Variants in FOXP1 observed in about 807,000 individuals in gnomAD.
FOXP1 encodes forkhead box P1.
A neutral mutation model predicts 98.2 loss-of-function variants in FOXP1; 15 were observed. The observed-to-expected ratio is 0.15, with a 90% confidence interval of 0.10 to 0.24. FOXP1 has a LOEUF of 0.24. Among genes scored for constraint, FOXP1 ranks in the 10% least tolerant of loss-of-function variants. FOXP1 has a pLI of 1.00. For missense variants in FOXP1, 633 were observed against 848.5 expected (o/e 0.75, Z 3.15); for synonymous variants, 371 against 314.5 (o/e 1.18, Z -1.90).
chr3:71,142,962 A>AAGGGCAGGGC (rs534818407), intron 6 of FOXP1, among the ~76,000 whole-genome samples: 58 of 151,890 alleles, frequency 3.8e-4, no homozygotes, highest in African/African-American at 1.0e-3. Flanking sequence ...GCAGGAAAGA[A>AAGGGCAGGGC]AGGGCAGGGC....
At chr3:71,437,070 C>T (rs929782919) in intron 3 of FOXP1, among the ~76,000 whole-genome samples, 4 of 152,154 alleles carry the variant, frequency 2.6e-5, no homozygotes, top group African/African-American at 4.8e-5. Context: ...CTGGCATTAA[C>T]GTTTCTCAGT....
At chr3:71,387,755 C>T (rs141349643) in intron 3 of FOXP1, among the ~76,000 whole-genome samples, 1 of 152,164 alleles carries the variant, frequency 6.6e-6, no homozygotes, top group Non-Finnish European at 1.5e-5. Context: ...TATTAAGGAC[C>T]CATGTGTTCA....
At chr3:71,532,791 T>G (rs1011690999) in intron 2 of FOXP1, among the ~76,000 whole-genome samples, 1 of 152,172 alleles carries the variant, frequency 6.6e-6, no homozygotes, top group Non-Finnish European at 1.5e-5. Context: ...GAACAGAAAG[T>G]GCCGTAAGCA....
chr3:71,037,470 C>A (rs2047742842), intron 11 of FOXP1, among the ~76,000 whole-genome samples: 1 of 152,044 alleles, frequency 6.6e-6, no homozygotes, highest in South Asian at 2.1e-4. Context: ...TACCGGTATC[C>A]CAGGCCTGAG....
chr3:71,407,414 A>C (rs1478409948), intron 3 of FOXP1, among the ~76,000 whole-genome samples: 1 of 152,216 alleles, frequency 6.6e-6, no homozygotes, highest in Non-Finnish European at 1.5e-5. Flanking sequence ...GTTTTTCTAA[A>C]ATTAAACACA....
At chr3:71,396,539 T>A (rs1172948169) in intron 3 of FOXP1, among the ~76,000 whole-genome samples, 1 of 151,918 alleles carries the variant, frequency 6.6e-6, no homozygotes, top group East Asian at 1.9e-4. Flanking sequence ...GGAACAAGCT[T>A]CCTACCAAGC....
chr3:71,274,912 G>A (rs2070741968), intron 5 of FOXP1, among the ~76,000 whole-genome samples: 1 of 152,132 alleles, frequency 6.6e-6, no homozygotes, highest in South Asian at 2.1e-4. Context: ...GTAACACTTT[G>A]CTCTTTGCCA....
intron 5 of FOXP1, among the ~76,000 whole-genome samples, chr3:71,287,275 C>T (rs2072251497): frequency 6.6e-6 from 1 of 152,090 alleles, no homozygotes; most frequent in South Asian, 2.1e-4. Context: ...AGTTTAAGAC[C>T]AGCCTGGGGA....
intron 4 of FOXP1, among the ~76,000 whole-genome samples, chr3:71,341,968 C>T (rs990876750): frequency 3.9e-5 from 6 of 152,320 alleles, no homozygotes; most frequent in South Asian, 2.1e-4. Context: ...AAACTGAGAT[C>T]ACATAACAAG....
intron 9 of FOXP1, among the ~76,000 whole-genome samples, chr3:71,052,042 A>C (rs2049968487): frequency 6.6e-6 from 1 of 152,246 alleles, no homozygotes; most frequent in Non-Finnish European, 1.5e-5. Context: ...ACTTGCAGGA[A>C]GAAGTTAAAC....
chr3:71,581,863 C>T lies in FOXP1; in HGVS notation c.-446-166G>A, dbSNP rs547007845. 3 of 985,554 alleles carry T rather than the reference C, an allele frequency of 3.0e-6. No individual in the cohort carries two copies. The East Asian group carries it at 3.4e-4, about 112-fold the overall frequency. 61.1% of individuals were successfully genotyped at this position (985,554 alleles called of 1,614,324 possible). ...CGTGGAGGGAAGAGAGGATGCGGCT[C>T]AGGGAATCCCTGCAAGGATCCAGAG... On this transcript the variant is annotated intron_variant, in intron 1 of 20. Transcript: ENST00000649528.
intron 3 of FOXP1, among the ~76,000 whole-genome samples, chr3:71,434,798 T>C (rs955779272): frequency 6.6e-6 from 1 of 152,044 alleles, no homozygotes; most frequent in Non-Finnish European, 1.5e-5. Flanking sequence ...CAGTTATTAA[T>C]TCTGGGTAGT....
intron 6 of FOXP1, among the ~76,000 whole-genome samples, chr3:71,189,315 A>C (rs2062831694): frequency 6.6e-6 from 1 of 152,236 alleles, no homozygotes; most frequent in Admixed American, 6.5e-5. Context: ...CCATTCCATG[A>C]TCAATGGGAA....
At chr3:71,083,586 C>T (rs1378282643) in intron 7 of FOXP1, among the ~76,000 whole-genome samples, 2 of 152,206 alleles carry the variant, frequency 1.3e-5, no homozygotes, top group African/African-American at 2.4e-5. Flanking sequence ...AAGAGATACT[C>T]TCTTTCTGAG....
chr3:71,269,925 A>T (rs1653982), intron 5 of FOXP1, among the ~76,000 whole-genome samples: 106,800 of 152,036 alleles, frequency 0.7, 38,178 homozygotes, highest in East Asian at 0.95. Flanking sequence ...TTAGAAACCA[A>T]TAAGTTAGAG....
At chr3:71,569,296 CAT>C (rs754090067) in intron 2 of FOXP1, among the ~76,000 whole-genome samples, 5 of 152,194 alleles carry the variant, frequency 3.3e-5, no homozygotes, top group Non-Finnish European at 7.3e-5. Context: ...CAAATATGCA[CAT>C]GTGTACACAA....
chr3:71,474,208 T>C (rs2089613937), intron 3 of FOXP1, among the ~76,000 whole-genome samples: 1 of 152,156 alleles, frequency 6.6e-6, no homozygotes, highest in African/African-American at 2.4e-5. Flanking sequence ...GGCTTAAGCA[T>C]AGTATAATTG....
At chr3:71,009,297 T>G (rs2043239413) in intron 12 of FOXP1, among the ~76,000 whole-genome samples, 1 of 152,072 alleles carries the variant, frequency 6.6e-6, no homozygotes, top group Non-Finnish European at 1.5e-5. Flanking sequence ...AATATGTTGG[T>G]GACACCAAAA....
intron 5 of FOXP1, among the ~76,000 whole-genome samples, chr3:71,200,069 G>A (rs987693034): frequency 1.0e-4 from 11 of 107,452 alleles, no homozygotes; most frequent in African/African-American, 3.7e-4. Flanking sequence ...GCTACAGAGC[G>A]AGACTCCATC....
Sources: gnomAD v4.1 joint callset for allele counts (sites outside exome capture counted in the v4.1 genomes callset) on GRCh38, gnomAD v4.1.1 for gene constraint, MANE v1.5 for transcripts, NCBI Gene and HGNC (gene_info 2026-07-23, HGNC 2026-07-21) for gene names.